Variants in MAPKAP1 observed in about 807,000 individuals in gnomAD.
MAPKAP1 encodes target of rapamycin complex 2 subunit MAPKAP1.
MAPKAP1 carries 20 observed loss-of-function variants against 65.7 expected under a neutral mutation model. The ratio of observed to expected loss-of-function variants is 0.30; its 90% CI spans 0.21 to 0.44. MAPKAP1 has a LOEUF of 0.44. MAPKAP1 is among the 20% of genes least tolerant of loss of function. MAPKAP1 has a pLI of 1.00. For synonymous variants in MAPKAP1, 222 were observed against 244.3 expected (o/e 0.91, Z 0.85); for missense variants, 423 against 648.0 (o/e 0.65, Z 3.77).
intron 4 of MAPKAP1, among the ~76,000 whole-genome samples, chr9:125,629,666 G>C (rs894126473): frequency 2.0e-5 from 3 of 152,182 alleles, no homozygotes; most frequent in Non-Finnish European, 4.4e-5. Flanking sequence ...TTGCAAGACT[G>C]AAGTTTGAGA....
intron 4 of MAPKAP1, chr9:125,596,006 A>C: frequency 6.6e-7 from 1 of 1,516,566 alleles, no homozygotes; most frequent in Non-Finnish European, 9.0e-7. Context: ...GCATTAAAGA[A>C]GACACTGAAG....
chr9:125,668,608 A>C (rs1260200678), intron 3 of MAPKAP1, among the ~76,000 whole-genome samples: 1 of 152,166 alleles, frequency 6.6e-6, no homozygotes, highest in Non-Finnish European at 1.5e-5. Flanking sequence ...CCACTATAAA[A>C]TATTTTAATA....
chr9:125,664,139 G>C (rs1304616931), intron 3 of MAPKAP1, among the ~76,000 whole-genome samples: 1 of 152,000 alleles, frequency 6.6e-6, no homozygotes, highest in Admixed American at 6.5e-5. Flanking sequence ...CTGATGTCAG[G>C]AGTTCGAGAC....
chr9:125,672,461 T>G lies in MAPKAP1; in HGVS notation c.114A>C (p.Leu38=), dbSNP rs1278809491. 6.2e-7 allele frequency: 1 copy of G among 1,614,196 alleles called. No homozygotes were observed. Among genetic ancestry groups the G allele is most frequent in the South Asian group, 1.1e-5 (1 of 91,088 alleles). The part of the protein sequence containing the change: ...EMVLIDHDVD[L]EKIHPPSMPG... Reference sequence around the variant, plus strand: ...GCATTGAAGGAGGATGAATCTTCTCTAGGTCAACATCATGATCAATGAGAA... The same window carrying G: ...GCATTGAAGGAGGATGAATCTTCTCGAGGTCAACATCATGATCAATGAGAA... The change falls in exon 2 of 12, where the codon CTA becomes CTC. Residue 38 remains leucine, a synonymous_variant. Coordinates refer to ENST00000265960, the MANE Select transcript of MAPKAP1 (RefSeq NM_001006617.3).
intron 4 of MAPKAP1, among the ~76,000 whole-genome samples, chr9:125,612,404 AG>A (rs1348075403): frequency 6.6e-6 from 1 of 151,820 alleles, no homozygotes; most frequent in Non-Finnish European, 1.5e-5. Context: ...AAATTCTTTT[AG>A]TTTTTTTTTA....
intron 4 of MAPKAP1, among the ~76,000 whole-genome samples, chr9:125,627,173 A>C (rs1250546962): frequency 6.6e-6 from 1 of 152,186 alleles, no homozygotes; most frequent in African/African-American, 2.4e-5. Flanking sequence ...ATCACAGAAA[A>C]TTAGAACAGA....
chr9:125,648,363 G>A (rs1171419412), intron 4 of MAPKAP1, among the ~76,000 whole-genome samples: 2 of 152,152 alleles, frequency 1.3e-5, no homozygotes, highest in Non-Finnish European at 2.9e-5. Flanking sequence ...TTTCCCATCT[G>A]TACCCCCCTA....
At chr9:125,539,174 C>T (rs956673560) in intron 7 of MAPKAP1, among the ~76,000 whole-genome samples, 6 of 152,126 alleles carry the variant, frequency 3.9e-5, no homozygotes. Context: ...TCAAGTTCTA[C>T]GTGAAATTTT....
chr9:125,639,389 G>C (rs539556908), intron 4 of MAPKAP1, among the ~76,000 whole-genome samples: 5 of 152,144 alleles, frequency 3.3e-5, no homozygotes, highest in Non-Finnish European at 5.9e-5. Context: ...CTCTCACTGC[G>C]GGGGTTATCA....
At chr9:125,598,791 G>T (rs1450529467) in intron 4 of MAPKAP1, among the ~76,000 whole-genome samples, 1 of 152,108 alleles carries the variant, frequency 6.6e-6, no homozygotes, top group Non-Finnish European at 1.5e-5. Flanking sequence ...TGTAATCCCA[G>T]TACTTTGGGA....
chr9:125,564,376 T>C (rs994174480), intron 5 of MAPKAP1, among the ~76,000 whole-genome samples: 1 of 152,246 alleles, frequency 6.6e-6, no homozygotes, highest in African/African-American at 2.4e-5. Flanking sequence ...GAGCCCTCTT[T>C]TCCTTCTAAT....
rs71374284 is a variant in MAPKAP1 at position 125,629,054 on chromosome 9, AACACACAC to A, written c.498+28589_498+28596del. ...CACCTGTTAGGATGGTCACTGTCAA[AACACACAC>A]ACACACACACACACACACACACACA... On this transcript the variant is annotated intron_variant, in intron 4 of 11. Coordinates refer to ENST00000265960, the MANE Select transcript of MAPKAP1 (RefSeq NM_001006617.3). 3.0e-3 allele frequency among the ~76,000 whole-genome samples: 445 copies of A among 147,310 alleles called. 2 individuals are homozygous for A. The highest frequency in any genetic ancestry group is 0.013 in the South Asian group (61 of 4,568).
At chr9:125,702,034 T>C (rs1835614005) in intron 1 of MAPKAP1, among the ~76,000 whole-genome samples, 1 of 152,224 alleles carries the variant, frequency 6.6e-6, no homozygotes, top group African/African-American at 2.4e-5. Context: ...TCAGGCAGCC[T>C]AGAATTACAC....
intron 7 of MAPKAP1, among the ~76,000 whole-genome samples, chr9:125,530,207 C>A (rs558512938): frequency 1.3e-5 from 2 of 152,118 alleles, no homozygotes; most frequent in African/African-American, 4.8e-5. Flanking sequence ...ATTTTCCTTA[C>A]AGCTACTAAT....
intron 4 of MAPKAP1, among the ~76,000 whole-genome samples, chr9:125,590,577 G>A (rs1831927733): frequency 6.6e-6 from 1 of 151,800 alleles, no homozygotes; most frequent in Non-Finnish European, 1.5e-5. Flanking sequence ...TTGCAACTGG[G>A]AGGCAGAAGT....
chr9:125,468,599 C>A (rs1290314618), intron 9 of MAPKAP1, among the ~76,000 whole-genome samples: 1 of 152,206 alleles, frequency 6.6e-6, no homozygotes, highest in African/African-American at 2.4e-5. Flanking sequence ...TGATCTGAAA[C>A]AACCTTATAC....
chr9:125,441,938 G>A (rs1852501893), intron 11 of MAPKAP1, among the ~76,000 whole-genome samples: 1 of 151,958 alleles, frequency 6.6e-6, no homozygotes, highest in African/African-American at 2.4e-5. Context: ...GACCAGCCTG[G>A]CCAATGGTGA....
intron 10 of MAPKAP1, among the ~76,000 whole-genome samples, chr9:125,458,423 C>G (rs536053820): frequency 8.5e-5 from 13 of 152,054 alleles, no homozygotes; most frequent in Middle Eastern, 3.4e-3. Context: ...TGACTCTTAA[C>G]GAGCATGCTG....
rs372012997 is a variant in MAPKAP1 at position 125,599,121 on chromosome 9, G to GT, written c.499-13395dup. On this transcript the variant is annotated intron_variant, in intron 4 of 11. Transcript: ENST00000265960. ...CTCAAGAAATACTGGTTATTATGAT[G>GT]TTTTTTCCTACTTTTTATCTACTTT... Among the ~76,000 whole-genome samples, 730 of 151,048 alleles carry GT rather than the reference G, an allele frequency of 4.8e-3. 4 individuals carry two copies. The highest frequency in any genetic ancestry group is 0.017 in the African/African-American group (690 of 41,244).
Sources: allele counts gnomAD v4.1 joint callset (sites outside exome capture counted in the v4.1 genomes callset), GRCh38; gene constraint gnomAD v4.1.1; transcripts MANE v1.5; gene names NCBI Gene and HGNC (gene_info 2026-07-23, HGNC 2026-07-21).